The following SH3PXD2B variants were observed in gnomAD, a reference collection of about 807,000 sequenced individuals.
SH3PXD2B encodes the protein SH3 and PX domain-containing protein 2B.
SH3PXD2B carries 37 observed loss-of-function variants against 73.1 expected under a neutral mutation model. The observed-to-expected ratio is 0.51, with a 90% confidence interval of 0.39 to 0.67. SH3PXD2B has a LOEUF of 0.67. Among genes scored for constraint, SH3PXD2B ranks in the 30% least tolerant of loss-of-function variants. The pLI is 0.00. For synonymous variants in SH3PXD2B, 457 were observed against 480.5 expected (o/e 0.95, Z 0.64); for missense variants, 1,053 against 1,197.8 (o/e 0.88, Z 1.78).
chr5:172,437,021 C>T (rs1468462694), intron 1 of SH3PXD2B, among the ~76,000 whole-genome samples: 1 of 152,150 alleles, frequency 6.6e-6, no homozygotes, highest in Admixed American at 6.5e-5. Context: ...TCCCAGGTGG[C>T]AGATCCTGGG....
intron 12 of SH3PXD2B, among the ~76,000 whole-genome samples, chr5:172,344,679 G>T (rs1756949849): frequency 6.6e-6 from 1 of 151,118 alleles, no homozygotes; most frequent in Admixed American, 6.6e-5. Context: ...TTCTATAATG[G>T]ATTAAAACAC....
intron 4 of SH3PXD2B, among the ~76,000 whole-genome samples, chr5:172,393,344 T>C (rs113847731): frequency 1.3e-5 from 2 of 152,358 alleles, no homozygotes; most frequent in African/African-American, 4.8e-5. Context: ...CTTAATTTCA[T>C]TTCTGGATTA....
intron 1 of SH3PXD2B, among the ~76,000 whole-genome samples, chr5:172,439,673 T>C (rs1333960017): frequency 0.029 from 2,938 of 102,640 alleles, 47 homozygotes; most frequent in Non-Finnish European, 0.036. Flanking sequence ...TGTGTGTGCG[T>C]GCGTGCGCGC....
intron 1 of SH3PXD2B, among the ~76,000 whole-genome samples, chr5:172,451,605 C>T (rs981433750): frequency 2.6e-5 from 4 of 152,220 alleles, no homozygotes; most frequent in Non-Finnish European, 5.9e-5. Flanking sequence ...GAAGCTAGAG[C>T]TCAGAGAGGC....
At chr5:172,373,010 A>G (rs1757739528) in intron 6 of SH3PXD2B, among the ~76,000 whole-genome samples, 1 of 152,224 alleles carries the variant, frequency 6.6e-6, no homozygotes, top group Non-Finnish European at 1.5e-5. Context: ...TCCTCTGTGC[A>G]TACGCAATTT....
intron 4 of SH3PXD2B, among the ~76,000 whole-genome samples, chr5:172,391,789 T>C (rs1024351028): frequency 2.0e-5 from 3 of 152,202 alleles, no homozygotes; most frequent in African/African-American, 7.2e-5. Flanking sequence ...ATGGTACTTT[T>C]TGAGATACAG....
chr5:172,394,981 T>C (rs1381682946), intron 3 of SH3PXD2B, among the ~76,000 whole-genome samples: 1 of 152,172 alleles, frequency 6.6e-6, no homozygotes, highest in Non-Finnish European at 1.5e-5. Flanking sequence ...CCTGTCCAAC[T>C]CCAGGATTCT....
chr5:172,409,707 T>C (rs916214261), intron 2 of SH3PXD2B, among the ~76,000 whole-genome samples: 3 of 152,210 alleles, frequency 2.0e-5, no homozygotes, highest in Non-Finnish European at 2.9e-5. Context: ...ATTTTCTTTT[T>C]CTTTTTCTTT....
At chr5:172,454,195 CAGA>C (rs1344010314) in intron 1 of SH3PXD2B, 80 bp downstream of exon 1, 18 of 1,228,160 alleles carry the variant, frequency 1.5e-5, no homozygotes, top group African/African-American at 3.1e-5. Context: ...GCGCTGGAGG[CAGA>C]AGTTTTCCAA....
chr5:172,339,322 C>G lies in SH3PXD2B; in HGVS notation c.1783G>C (p.Gly595Arg). 1 of 1,614,196 alleles carries G rather than the reference C, an allele frequency of 6.2e-7. No individual in the cohort carries two copies. Among genetic ancestry groups the G allele is most frequent in the Non-Finnish European group, 8.5e-7 (1 of 1,180,024 alleles). The change falls in exon 13 of 13, where the codon GGG (glycine) becomes CGG (arginine). Residue 595 changes from glycine (G) to arginine (R), a missense_variant. Gly to Arg is a moderately radical substitution (Grantham distance 125, BLOSUM62 -2). This residue lies in a region of SH3PXD2B where 587 missense variants were observed against 590.7 expected (regional missense o/e 0.99). Coordinates refer to ENST00000311601, the MANE Select transcript of SH3PXD2B (RefSeq NM_001017995.3). This position sits in a 1 kb window ranked among gnomAD's most constrained non-coding sequence, Gnocchi z 6.1. ...AAGACCTTGTGGCCACACTCCAGCC[C>G]CATGTCATTTTTCAGCTGGAACAGT... ...SRLFQLKNDM[G>R]LECGHKVLAK... is the part of the protein sequence containing the mutation.
intron 1 of SH3PXD2B, among the ~76,000 whole-genome samples, chr5:172,431,259 C>A (rs1759232750): frequency 6.6e-6 from 1 of 152,258 alleles, no homozygotes; most frequent in Non-Finnish European, 1.5e-5. Context: ...CAGGTTCTTT[C>A]TTTCTCAGAA....
intron 2 of SH3PXD2B, among the ~76,000 whole-genome samples, chr5:172,414,423 C>T (rs890897088): frequency 1.4e-5 from 2 of 142,478 alleles, no homozygotes; most frequent in Non-Finnish European, 3.0e-5. Flanking sequence ...GAGCCGAGAT[C>T]GCGCCACTGC....
chr5:172,361,362 G>A (rs1757400951), intron 7 of SH3PXD2B, among the ~76,000 whole-genome samples: 1 of 152,144 alleles, frequency 6.6e-6, no homozygotes, highest in Non-Finnish European at 1.5e-5. Flanking sequence ...ATGTATCCAC[G>A]TATTACTTGG....
intron 1 of SH3PXD2B, among the ~76,000 whole-genome samples, chr5:172,443,118 C>T (rs532718450): frequency 4.6e-4 from 70 of 152,304 alleles, no homozygotes; most frequent in Admixed American, 9.8e-4. Context: ...ACTATATGTA[C>T]GTTTTTATTA....
At chr5:172,382,302 C>T (rs575926300) in intron 4 of SH3PXD2B, among the ~76,000 whole-genome samples, 175 bp from the exon 5 acceptor site, 9 of 152,208 alleles carry the variant, frequency 5.9e-5, no homozygotes, top group East Asian at 1.9e-4. Flanking sequence ...GGTGACAGAG[C>T]GAGACTGTCT....
intron 3 of SH3PXD2B, among the ~76,000 whole-genome samples, chr5:172,398,660 T>C (rs1281634462): frequency 1.3e-5 from 2 of 152,176 alleles, no homozygotes; most frequent in Non-Finnish European, 2.9e-5. Context: ...CCTCAAAAAG[T>C]TCAAATTAGG....
rs754053518 is a variant in SH3PXD2B, at chr5:172,362,765, C to T, written c.532G>A (p.Val178Met). Reference protein sequence around the residue: ...SSEISLSVGQVVDIIEKNESG... With the variant: ...SSEISLSVGQMVDIIEKNESG... ...TCATTCTTCTCGATGATGTCCACCA[C>T]CTGCCCCACGCTGAGGCTGATCTCC... is the stretch of plus-strand genomic sequence containing the variant. The change falls in exon 7 of 13, where the codon GTG becomes ATG. Residue 178 changes from valine (V) to methionine (M), a missense_variant. Around this residue, in one of 2 missense-constraint regions of SH3PXD2B, gnomAD observed 466 missense variants for 607.1 expected, o/e 0.77. Transcript: ENST00000311601. 1 of 1,614,130 alleles carries T rather than the reference C, an allele frequency of 6.2e-7. No individual in the cohort carries two copies. The highest frequency in any genetic ancestry group is 8.5e-7 in the Non-Finnish European group (1 of 1,180,014).
rs139885390 is a variant in SH3PXD2B at position 172,335,690 on chromosome 5, G to A, written c.*2679C>T. The A allele has an allele frequency of 3.1e-4, 377 of 1,231,696 alleles. No homozygotes were observed. Among genetic ancestry groups the A allele is most frequent in the Non-Finnish European group, 3.5e-4 (341 of 987,994 alleles). 76.3% of individuals were successfully genotyped at this position (1,231,696 alleles called of 1,614,324 possible). On this transcript the variant is annotated 3_prime_UTR_variant, in exon 13 of 13. Transcript: ENST00000311601. ...GAGTTCTGCATATGCGCCATCAATC[G>A]CTCACAGAATAGCGACCACAGTCCT...
At position 172,338,725 on chromosome 5, in the gene SH3PXD2B, G is replaced by C; in HGVS notation, c.2380C>G (p.Pro794Ala). ...EGHESRAAPTPGRALLVPPKA... is the reference protein window; with the variant it reads ...EGHESRAAPTAGRALLVPPKA... Reference sequence around the variant, plus strand: ...GGAGGGACGAGGAGAGCACGGCCTGGGGTGGGAGCTGCCCTGCTTTCGTGG... The same window carrying C: ...GGAGGGACGAGGAGAGCACGGCCTGCGGTGGGAGCTGCCCTGCTTTCGTGG... Residue 794 changes from proline (P) to alanine (A), a missense_variant, in exon 13 of 13, where the codon CCA (proline) becomes GCA (alanine). Physicochemically the swap from Pro to Ala is conservative, Grantham distance 27. Coordinates refer to ENST00000311601, the MANE Select transcript of SH3PXD2B (RefSeq NM_001017995.3). The surrounding 1 kb of genome is among the most constrained non-coding windows in gnomAD (Gnocchi z 5.1). The C allele has an allele frequency of 6.2e-7, 1 of 1,614,214 alleles. No homozygotes were observed. Among genetic ancestry groups the C allele is most frequent in the Non-Finnish European group, 8.5e-7 (1 of 1,180,038 alleles).
Sources: gnomAD v4.1 joint callset for allele counts (sites outside exome capture counted in the v4.1 genomes callset) on GRCh38, gnomAD v4.1.1 for gene constraint, gnomAD v4.1.1 regional missense constraint, Gnocchi (gnomAD v3.1) non-coding constraint, MANE v1.5 for transcripts, NCBI Gene and HGNC (gene_info 2026-07-23, HGNC 2026-07-21) for gene names.